The following RASA4 variants were observed in gnomAD, a reference collection of about 807,000 sequenced individuals.
RASA4 encodes ras GTPase-activating protein 4.
In RASA4, 5 loss-of-function variants were observed where a neutral mutation model predicts 24.0. That is an observed-to-expected ratio of 0.21 (90% confidence interval 0.11 to 0.44). The LOEUF is 0.44. RASA4 is among the 20% of genes least tolerant of loss of function. RASA4 has a pLI of 0.99. For missense variants in RASA4, 38 were observed against 293.0 expected, an observed-to-expected ratio of 0.13 and a Z score of 6.35; for synonymous variants, 9 against 132.7, an observed-to-expected ratio of 0.07 and a Z score of 6.41.
intron 4 of RASA4, among the ~76,000 whole-genome samples, chr7:102,607,973 AT>A (rs1586856430): frequency 7.2e-6 from 1 of 138,380 alleles, no homozygotes; most frequent in Non-Finnish European, 1.6e-5. Flanking sequence ...TCATTTATTT[AT>A]TTATTTATTT....
chr7:102,611,914 GGTACTGGA>G (rs1403967794), intron 1 of RASA4, among the ~76,000 whole-genome samples: 1 of 118,320 alleles, frequency 8.5e-6, no homozygotes, highest in African/African-American at 2.9e-5. Flanking sequence ...AGAGGGAGGG[GGTACTGGA>G]AACCTCCTGT....
intron 8 of RASA4, among the ~76,000 whole-genome samples, chr7:102,599,348 A>AG (rs1306190557): frequency 5.1e-5 from 2 of 39,022 alleles, no homozygotes; most frequent in Non-Finnish European, 1.3e-4. Context: ...GGAAAAATAA[A>AG]GGGGAGGGGC....
Position 102,605,933 on chromosome 7 carries a change from C to T in RASA4, c.353G>A (p.Gly118Asp). 1 of 1,599,598 alleles carries T rather than the reference C, an allele frequency of 6.3e-7. No individual in the cohort carries two copies. Among genetic ancestry groups the T allele is most frequent in the Non-Finnish European group, 8.5e-7 (1 of 1,172,854 alleles). ...TEVDPDEEVQ[G>D]EIHLRLEVWP... ...CACTTCCAGCCGCAGGTGGATCTCGCCCTGCACCTCCTCATCGGGGTCGAC... is the reference window on the plus strand; with the variant it reads ...CACTTCCAGCCGCAGGTGGATCTCGTCCTGCACCTCCTCATCGGGGTCGAC... The change falls in exon 5 of 21, where the codon GGC (glycine) becomes GAC (aspartate). Residue 118 changes from glycine to aspartate, a missense_variant. By Grantham distance (94) the Gly-to-Asp change is moderately conservative. Coordinates refer to ENST00000262940, the MANE Select transcript of RASA4 (RefSeq NM_006989.6).
intron 16 of RASA4, among the ~76,000 whole-genome samples, chr7:102,591,957 C>A (rs1237904163): frequency 2.0e-5 from 3 of 152,242 alleles, no homozygotes; most frequent in East Asian, 3.8e-4. Flanking sequence ...CCTCAGCCTC[C>A]CGAGTAGCTG....
rs1382154812 is a variant in RASA4, at chr7:102,580,979, G to C, written c.*1792C>G. 3.9e-5 allele frequency: 3 copies of C among 75,952 alleles called. 1 individual carries two copies. The highest frequency in any genetic ancestry group is 7.0e-5 in the Non-Finnish European group (2 of 28,560). 4.7% of individuals were successfully genotyped at this position (75,952 alleles called of 1,614,324 possible). On this transcript the variant is annotated 3_prime_UTR_variant, in exon 21 of 21. Transcript: ENST00000262940. ...CCTCCTTTCTGGGGGTCCCAGTTTC[G>C]TGATCTCTTCTTCCCTTTCCTTCCT...
intron 5 of RASA4, among the ~76,000 whole-genome samples, chr7:102,604,632 G>A (rs1365970259): frequency 0.012 from 1,545 of 134,280 alleles, no homozygotes; most frequent in South Asian, 0.021. Context: ...GGGCGGGGGG[G>A]AATGAATGGC....
chr7:102,597,004 GT>G (rs1361398715), intron 8 of RASA4, among the ~76,000 whole-genome samples: 2 of 3,804 alleles, frequency 5.3e-4, no homozygotes, highest in African/African-American at 7.1e-4. Context: ...GCCTTGGCTG[GT>G]TCTATGGAAA....
intron 5 of RASA4, among the ~76,000 whole-genome samples, chr7:102,604,172 A>C (rs1301277978): frequency 1.7e-4 from 26 of 148,690 alleles, no homozygotes; most frequent in Admixed American, 1.7e-3. Flanking sequence ...AAAAACAAAA[A>C]ACAAAAAAAC....
chr7:102,590,905 A>C (rs1215726214), intron 16 of RASA4, among the ~76,000 whole-genome samples: 2 of 143,490 alleles, frequency 1.4e-5, no homozygotes, highest in Admixed American at 6.9e-5. Context: ...GCACCATTGC[A>C]CTCTGGCCTG....
chr7:102,610,510 G>T (rs1790793647), intron 2 of RASA4, among the ~76,000 whole-genome samples: 1 of 145,740 alleles, frequency 6.9e-6, no homozygotes, highest in African/African-American at 2.5e-5. Flanking sequence ...ACTCTTCAGG[G>T]TGCAGGCTGG....
In RASA4 at chr7:102,596,231, T is replaced by G. The variant is rs1180364815; in HGVS notation, c.738-102A>C. On this transcript the variant is annotated intron_variant, in intron 8 of 20. Transcript: ENST00000262940. ...TTTTTCCCTTGGGGCCGGCTTCCCATCTCTCTGCTCATGCCCTCCATCCGG... is the reference window on the plus strand; with the variant it reads ...TTTTTCCCTTGGGGCCGGCTTCCCAGCTCTCTGCTCATGCCCTCCATCCGG... The G allele has an allele frequency of 1.8e-4, 227 of 1,289,892 alleles. No individual in the cohort carries two copies. In the South Asian group the frequency reaches 2.4e-3, roughly 14 times the overall value. 79.9% of individuals were successfully genotyped at this position (1,289,892 alleles called of 1,614,324 possible).
intron 1 of RASA4, chr7:102,612,174 G>GGACT (rs1562803563): frequency 8.9e-4 from 106 of 119,010 alleles, no homozygotes; most frequent in Non-Finnish European, 1.1e-3. Context: ...GCCCCAGGAC[G>GGACT]GGACGGGGAG....
chr7:102,599,505 C>T (rs1401086761), intron 8 of RASA4, among the ~76,000 whole-genome samples: 4 of 66,960 alleles, frequency 6.0e-5, no homozygotes, highest in Non-Finnish European at 9.6e-5. Context: ...GGCGCGGTGG[C>T]GGGTGCCTGT....
At chr7:102,604,407 G>A (rs1401732509) in intron 5 of RASA4, among the ~76,000 whole-genome samples, 3 of 150,862 alleles carry the variant, frequency 2.0e-5, no homozygotes, top group Non-Finnish European at 4.5e-5. Context: ...CCAGAGGATG[G>A]GACAGGGGAG....
chr7:102,579,938 C>A lies in RASA4; in HGVS notation c.*2833G>T, dbSNP rs1377329341. The A allele has an allele frequency of 2.9e-5, 4 of 139,054 alleles. No homozygotes were observed. Among genetic ancestry groups the A allele is most frequent in the African/African-American group, 1.1e-4 (4 of 37,202 alleles). The allele number at this position is 139,054 out of a possible 1,614,324, so 8.6% of individuals were successfully genotyped here. A position where few individuals can be genotyped will look rare whatever the true frequency, so the allele number is the denominator to read the frequency against. ...GACGCTTACAACACAACTGCAATAT[C>A]TTTTTTGTTTGTTTGTTTGTTTTTG... is the stretch of plus-strand genomic sequence containing the variant. On this transcript the variant is annotated 3_prime_UTR_variant, in exon 21 of 21. Coordinates refer to ENST00000262940, the MANE Select transcript of RASA4 (RefSeq NM_006989.6).
At chr7:102,592,480 TAG>T in intron 15 of RASA4, 26 bp from the exon 16 acceptor site, 1 of 566,482 alleles carries the variant, frequency 1.8e-6, no homozygotes, top group South Asian at 2.1e-5. Flanking sequence ...GGGAGGGGAA[TAG>T]AGAGCCCAGT....
intron 5 of RASA4, among the ~76,000 whole-genome samples, chr7:102,604,876 G>A (rs1461492439): frequency 1.5e-5 from 2 of 137,378 alleles, no homozygotes; most frequent in Non-Finnish European, 3.3e-5. Context: ...CTGGCTGGGG[G>A]CCACCCTCCT....
chr7:102,588,556 CACAT>C, intron 17 of RASA4: 1 of 19,966 alleles, frequency 5.0e-5, no homozygotes, highest in Non-Finnish European at 8.7e-5. Context: ...TTACTTGTCC[CACAT>C]GTCCCTGCCC....
chr7:102,599,813 C>CCCCCA (rs1441478507), intron 8 of RASA4, 47 bp downstream of exon 8: 1 of 91,272 alleles, frequency 1.1e-5, no homozygotes, highest in African/African-American at 5.0e-5. Flanking sequence ...CAAATGTCAG[C>CCCCCA]CCCCACCCCA....
Sources: gnomAD v4.1 joint callset for allele counts (sites outside exome capture counted in the v4.1 genomes callset) on GRCh38, gnomAD v4.1.1 for gene constraint, MANE v1.5 for transcripts, NCBI Gene and HGNC (gene_info 2026-07-23, HGNC 2026-07-21) for gene names.